Variants in JARID2 observed in about 807,000 individuals in gnomAD.
JARID2 encodes jumonji and AT-rich interaction domain containing 2.
A neutral mutation model predicts 125.6 loss-of-function variants in JARID2; 21 were observed. That is an observed-to-expected ratio of 0.17 (90% confidence interval 0.12 to 0.24). The LOEUF is 0.24. JARID2 is among the 10% of genes least tolerant of loss of function. The probability of loss-of-function intolerance (pLI) is 1.00; values close to 1 mark genes in which losing one functional copy is unlikely to be tolerated. For synonymous variants in JARID2, 736 were observed against 661.6 expected, an observed-to-expected ratio of 1.11 and a Z score of -1.73; for missense variants, 1,303 against 1,639.6, an observed-to-expected ratio of 0.79 and a Z score of 3.55.
At chr6:15,296,024 C>T (rs1761399720) in intron 1 of JARID2, among the ~76,000 whole-genome samples, 1 of 152,182 alleles carries the variant, frequency 6.6e-6, no homozygotes, top group Non-Finnish European at 1.5e-5. Context: ...TACACCTGTC[C>T]AGCCATTTCG....
chr6:15,361,711 C>T (rs1331982513), intron 1 of JARID2, among the ~76,000 whole-genome samples: 1 of 151,890 alleles, frequency 6.6e-6, no homozygotes, highest in Non-Finnish European at 1.5e-5. Context: ...ATTATTCCAG[C>T]GTCATAGAGC....
chr6:15,496,033 C>T (rs1166664379), intron 6 of JARID2, 99 bp from the exon 7 acceptor site: 5 of 965,804 alleles, frequency 5.2e-6, no homozygotes, highest in Admixed American at 2.2e-5. Context: ...CTCTGTTCAT[C>T]CCCAGCATCC....
At chr6:15,270,379 G>A (rs551344521) in intron 1 of JARID2, among the ~76,000 whole-genome samples, 2 of 152,230 alleles carry the variant, frequency 1.3e-5, no homozygotes, top group Admixed American at 6.5e-5. Context: ...TGATCCACCC[G>A]CCTTGGCCTC....
At chr6:15,387,335 C>T (rs1764825006) in intron 2 of JARID2, among the ~76,000 whole-genome samples, 1 of 152,128 alleles carries the variant, frequency 6.6e-6, no homozygotes, top group African/African-American at 2.4e-5. Context: ...AATAAATTAC[C>T]TTAGACTGGG....
intron 12 of JARID2, among the ~76,000 whole-genome samples, chr6:15,510,355 C>G (rs1251723054): frequency 6.6e-6 from 1 of 151,928 alleles, no homozygotes; most frequent in Non-Finnish European, 1.5e-5. Flanking sequence ...ACATCCCCCT[C>G]ATTCATGCTG....
chr6:15,453,063 C>T (rs184602526), intron 4 of JARID2, among the ~76,000 whole-genome samples: 1 of 152,326 alleles, frequency 6.6e-6, no homozygotes, highest in Admixed American at 6.5e-5. Context: ...TTCCACCCAT[C>T]ATCCCTCACT....
intron 1 of JARID2, among the ~76,000 whole-genome samples, chr6:15,282,039 T>C (rs1192343705): frequency 6.6e-6 from 1 of 151,826 alleles, no homozygotes; most frequent in Non-Finnish European, 1.5e-5. Flanking sequence ...AACCTTTGCC[T>C]CCCGAGTTCA....
chr6:15,488,812 C>T (rs1770007183), intron 6 of JARID2, among the ~76,000 whole-genome samples: 1 of 152,152 alleles, frequency 6.6e-6, no homozygotes, highest in Non-Finnish European at 1.5e-5. Context: ...ACACACCTAG[C>T]ACATATTAAA....
intron 2 of JARID2, among the ~76,000 whole-genome samples, chr6:15,405,348 CTT>C (rs1765604786): frequency 6.6e-6 from 1 of 152,180 alleles, no homozygotes; most frequent in East Asian, 1.9e-4. Flanking sequence ...TGTTCAATTT[CTT>C]TAGAGTTCTC....
At chr6:15,490,434 C>T (rs757946649) in intron 6 of JARID2, among the ~76,000 whole-genome samples, 1 of 152,192 alleles carries the variant, frequency 6.6e-6, no homozygotes, top group Non-Finnish European at 1.5e-5. Context: ...CTCGTGCGAA[C>T]TGGGCAATGC....
chr6:15,502,350 C>A (rs931062946), intron 8 of JARID2, among the ~76,000 whole-genome samples: 1 of 152,254 alleles, frequency 6.6e-6, no homozygotes, highest in Non-Finnish European at 1.5e-5. Context: ...AAGTTGAAGT[C>A]TCTGCTGAGT....
intron 1 of JARID2, among the ~76,000 whole-genome samples, chr6:15,317,036 G>C (rs1419018241): frequency 1.3e-5 from 2 of 152,196 alleles, no homozygotes; most frequent in Non-Finnish European, 2.9e-5. Flanking sequence ...ATCTTTTGTA[G>C]ACAGTCTTGA....
At chr6:15,311,934 CTTTTA>C (rs1439917544) in intron 1 of JARID2, among the ~76,000 whole-genome samples, 1 of 152,146 alleles carries the variant, frequency 6.6e-6, no homozygotes, top group Non-Finnish European at 1.5e-5. Flanking sequence ...TTGGCATTAA[CTTTTA>C]TTTAATTTGG....
chr6:15,517,299 C>A (rs778238719), intron 17 of JARID2, 31 bp downstream of exon 17: 1 of 1,483,170 alleles, frequency 6.7e-7, no homozygotes. Flanking sequence ...TAGGGCAGGG[C>A]GGCAGCGTGG....
intron 1 of JARID2, among the ~76,000 whole-genome samples, chr6:15,252,423 C>T (rs576364187): frequency 6.6e-6 from 1 of 152,082 alleles, no homozygotes; most frequent in Non-Finnish European, 1.5e-5. Context: ...CCTTAATCCC[C>T]GCATGCTAAA....
chr6:15,498,955 G>A (rs75341583), intron 7 of JARID2, among the ~76,000 whole-genome samples: 2,333 of 152,296 alleles, frequency 0.015, 67 homozygotes, highest in African/African-American at 0.053. Context: ...CCTCTGCTAG[G>A]TGGATGATGG....
intron 1 of JARID2, among the ~76,000 whole-genome samples, chr6:15,286,779 G>A (rs1280846610): frequency 5.3e-5 from 8 of 150,316 alleles, no homozygotes; most frequent in Non-Finnish European, 8.9e-5. Flanking sequence ...GGAGAATGGC[G>A]TGAACCCGGG....
chr6:15,455,567 T>A (rs1214334120), intron 4 of JARID2, among the ~76,000 whole-genome samples: 1 of 152,202 alleles, frequency 6.6e-6, no homozygotes, highest in Non-Finnish European at 1.5e-5. Context: ...AGTCTCACTC[T>A]GTCGCCCAGG....
intron 6 of JARID2, among the ~76,000 whole-genome samples, chr6:15,495,451 G>C (rs1770369135): frequency 6.6e-6 from 1 of 152,186 alleles, no homozygotes; most frequent in African/African-American, 2.4e-5. Context: ...CTTCCATCCA[G>C]CCTGGCCCTG....
Sources: allele counts gnomAD v4.1 joint callset (sites outside exome capture counted in the v4.1 genomes callset), GRCh38; gene constraint gnomAD v4.1.1; transcripts MANE v1.5; gene names NCBI Gene and HGNC (gene_info 2026-07-23, HGNC 2026-07-21).